The following GRID2IP variants were observed in gnomAD, a reference collection of about 807,000 sequenced individuals.
GRID2IP encodes Grid2 interacting protein, also known as delphilin.
GRID2IP carries 78 observed loss-of-function variants against 114.3 expected under a neutral mutation model. The observed-to-expected ratio is 0.68, with a 90% CI of 0.57 to 0.82. GRID2IP has a LOEUF of 0.82. Among genes scored for constraint, GRID2IP ranks in the 40% least tolerant of loss-of-function variants. The probability of loss-of-function intolerance (pLI) is 0.00; values close to 1 mark genes in which losing one functional copy is unlikely to be tolerated. For synonymous variants in GRID2IP, 809 were observed against 724.0 expected, an observed-to-expected ratio of 1.12 and a Z score of -1.89; for missense variants, 1,727 against 1,678.5, an observed-to-expected ratio of 1.03 and a Z score of -0.51.
Position 6,508,020 on chromosome 7 carries a change from G to A in GRID2IP, c.2509C>T (p.Gln837Ter). ...HMSVKRLRWE[Q>*]VENSEGTIWG... ...ATGGTGCCTTCTGAGTTCTCCACCTGTTCCCACCGCAAGCGCTTGACGCTC... is the reference window on the plus strand; with the variant it reads ...ATGGTGCCTTCTGAGTTCTCCACCTATTCCCACCGCAAGCGCTTGACGCTC... Residue 837 changes from glutamine (Q) to a stop codon, truncating the protein, a stop_gained, in exon 13 of 22, where the codon CAG becomes TAG. Transcript: ENST00000457091. LOFTEE classifies it high-confidence loss of function. The surrounding 1 kb of genome is among the most constrained non-coding windows in gnomAD (Gnocchi z 5.6). 6.5e-7 allele frequency: 1 copy of A among 1,549,570 alleles called. No homozygotes were observed. Among genetic ancestry groups the A allele is most frequent in the Non-Finnish European group, 8.7e-7 (1 of 1,146,752 alleles).
In GRID2IP at chr7:6,509,429, C is replaced by T; in HGVS notation, c.1772-116G>A. On this transcript the variant is annotated intron_variant, in intron 11 of 21. Coordinates refer to ENST00000457091, the MANE Select transcript of GRID2IP (RefSeq NM_001145118.2). The surrounding 1 kb of genome is among the most constrained non-coding windows in gnomAD (Gnocchi z 4.9). ...TCTGTGTCCCAGGCCACTCTCCTTT[C>T]CCTCTCTGGGCACAGTGCAGGAAGA... is the stretch of plus-strand genomic sequence containing the variant. 1.1e-6 allele frequency: 1 copy of T among 942,816 alleles called. No homozygotes were observed. Among genetic ancestry groups the T allele is most frequent in the Non-Finnish European group, 1.5e-6 (1 of 667,276 alleles). The allele number at this position is 942,816 out of a possible 1,614,324, so 58.4% of individuals were successfully genotyped here. A position where few individuals can be genotyped will look rare whatever the true frequency, so the allele number is the denominator to read the frequency against.
At chr7:6,535,690 CTATT>C (rs771404206) in intron 2 of GRID2IP, among the ~76,000 whole-genome samples, 4 of 152,092 alleles carry the variant, frequency 2.6e-5, no homozygotes, top group Non-Finnish European at 5.9e-5. Context: ...GACCCTGTCT[CTATT>C]TATAAATTCT....
chr7:6,511,782 G>A (rs1246053668), intron 8 of GRID2IP, among the ~76,000 whole-genome samples: 9 of 152,196 alleles, frequency 5.9e-5, no homozygotes, highest in Admixed American at 2.0e-4. Context: ...TGGGACTGCA[G>A]CTCATGGGCA....
intron 7 of GRID2IP, among the ~76,000 whole-genome samples, chr7:6,515,363 G>A (rs1779273936): frequency 6.6e-6 from 1 of 152,102 alleles, no homozygotes; most frequent in Non-Finnish European, 1.5e-5. Context: ...TCAGGAGGCT[G>A]AAGTAGGAGA....
rs182991503 is a variant in GRID2IP, at chr7:6,499,018, A to G, written c.3400-790T>C. Among the ~76,000 whole-genome samples the G allele has an allele frequency of 1.0e-3, 153 of 152,348 alleles. 4 individuals carry two copies. Among genetic ancestry groups the G allele is most frequent in the African/African-American group, 3.4e-3 (141 of 41,570 alleles). On this transcript the variant is annotated intron_variant, in intron 20 of 21. Transcript: ENST00000457091. The stretch of plus-strand genomic sequence containing the variant: ...TTAGAATAGCATCTGATACATGGTC[A>G]GTCTTGCAAAAAGATTCAGTGGCTG...
At chr7:6,501,087 A>G (rs1257210583) in intron 20 of GRID2IP, among the ~76,000 whole-genome samples, 1 of 152,258 alleles carries the variant, frequency 6.6e-6, no homozygotes, top group Non-Finnish European at 1.5e-5. Context: ...ACAGTGGCTC[A>G]GGCCTATAAT....
intron 11 of GRID2IP, 63 bp downstream of exon 11, chr7:6,510,220 C>T (rs1786727156): frequency 8.8e-7 from 1 of 1,142,608 alleles, no homozygotes; most frequent in Non-Finnish European, 1.3e-6. Flanking sequence ...GAAGCAGCTC[C>T]AGGGCTGAGC....
rs1253425278 is a variant in GRID2IP at position 6,551,028 on chromosome 7, C to A, written c.409G>T (p.Ala137Ser). ...CTTACCTTGCGGCTGAACTCTTGGG[C>A]CTTGCGCCTGCGCTCTCGGTGCACC... is the stretch of plus-strand genomic sequence containing the variant. ...DAVHRERRRK[A>S]QEFSRKVDEI... The change falls in exon 1 of 22, where the codon GCC (alanine) becomes TCC (serine). Residue 137 changes from alanine (A) to serine (S), a missense_variant. By Grantham distance (99) the Ala-to-Ser change is moderately conservative. Coordinates refer to ENST00000457091, the MANE Select transcript of GRID2IP (RefSeq NM_001145118.2). 1.7e-6 allele frequency: 2 copies of A among 1,205,016 alleles called. No individual in the cohort carries two copies. The highest frequency in any genetic ancestry group is 2.1e-6 in the Non-Finnish European group (2 of 971,458). The allele number at this position is 1,205,016 out of a possible 1,614,324, so 74.6% of individuals were successfully genotyped here. A position where few individuals can be genotyped will look rare whatever the true frequency, so the allele number is the denominator to read the frequency against.
intron 8 of GRID2IP, among the ~76,000 whole-genome samples, chr7:6,513,848 C>T (rs1435617655): frequency 1.4e-5 from 2 of 147,778 alleles, no homozygotes; most frequent in East Asian, 2.1e-4. Context: ...TTTGGGAGGC[C>T]GGAGTGGGAG....
Position 6,539,978 on chromosome 7 carries a change from T to C in GRID2IP, c.430-106A>G. Reference sequence around the variant, plus strand: ...CCTCAGTTTACCTACACGGGATGGCTGACGTGGGCGTACCACCTGAGTGCT... The same window carrying C: ...CCTCAGTTTACCTACACGGGATGGCCGACGTGGGCGTACCACCTGAGTGCT... On this transcript the variant is annotated intron_variant, in intron 1 of 21. Coordinates refer to ENST00000457091, the MANE Select transcript of GRID2IP (RefSeq NM_001145118.2). 4 of 1,016,962 alleles carry C rather than the reference T, an allele frequency of 3.9e-6. 1 individual carries two copies. In the Admixed American group the frequency reaches 9.8e-5, roughly 25 times the overall value. 63.0% of individuals were successfully genotyped at this position (1,016,962 alleles called of 1,614,324 possible). A position where few individuals can be genotyped will look rare whatever the true frequency, so the allele number is the denominator to read the frequency against.
At chr7:6,501,637 T>C in intron 20 of GRID2IP, 144 bp downstream of exon 20, 1 of 676,682 alleles carries the variant, frequency 1.5e-6, no homozygotes, top group Non-Finnish European at 2.7e-6. Flanking sequence ...TAGAGCCTCT[T>C]CCAGGACCCC....
At chr7:6,530,430 G>C (rs1258009316) in intron 2 of GRID2IP, among the ~76,000 whole-genome samples, 10 of 151,406 alleles carry the variant, frequency 6.6e-5, no homozygotes, top group African/African-American at 2.4e-4. Flanking sequence ...CACCTGGCTG[G>C]CTTTTTAAAT....
intron 1 of GRID2IP, 130 bp from the exon 2 acceptor site, chr7:6,540,002 C>A (rs1226643884): frequency 2.9e-6 from 2 of 679,406 alleles, no homozygotes; most frequent in African/African-American, 3.7e-5. Context: ...CACCTGAGTG[C>A]TATGCCCATA....
intron 1 of GRID2IP, among the ~76,000 whole-genome samples, chr7:6,542,402 C>A (rs1238095592): frequency 1.3e-5 from 2 of 151,952 alleles, no homozygotes. Flanking sequence ...ACCTGTAATC[C>A]CAGTGCTTAG....
intron 16 of GRID2IP, among the ~76,000 whole-genome samples, 157 bp downstream of exon 16, chr7:6,503,334 C>T (rs1401263158): frequency 2.6e-5 from 4 of 152,222 alleles, no homozygotes; most frequent in Admixed American, 2.6e-4. Flanking sequence ...CCTTGGACCC[C>T]TGATAGGACC....
At position 6,520,839 on chromosome 7, in the gene GRID2IP, T is replaced by G; in HGVS notation, c.1085-78A>C. 2 of 1,355,718 alleles carry G rather than the reference T, an allele frequency of 1.5e-6. No individual in the cohort carries two copies. The highest frequency in any genetic ancestry group is 2.0e-6 in the Non-Finnish European group (2 of 994,262). The allele number at this position is 1,355,718 out of a possible 1,614,324, so 84.0% of individuals were successfully genotyped here. On this transcript the variant is annotated intron_variant, in intron 6 of 21. Transcript: ENST00000457091. The surrounding 1 kb of genome is among the most constrained non-coding windows in gnomAD (Gnocchi z 4.6). ...GGTGTAGTCTCCCTGGCTTTTGAGG[T>G]CAGGAGACCTCCTGAGCTGGGGTGT...
chr7:6,503,570 T>G lies in GRID2IP; in HGVS notation c.2828A>C (p.Asp943Ala), dbSNP rs1056633202. 2.0e-6 allele frequency: 3 copies of G among 1,528,332 alleles called. No homozygotes were observed. The highest frequency in any genetic ancestry group is 2.6e-6 in the Non-Finnish European group (3 of 1,144,086). 94.7% of individuals were successfully genotyped at this position (1,528,332 alleles called of 1,614,324 possible). ...CTGGTAGCGCTGCTCCTCGTCGGCGTCGGGCGCGAAGAGCAGCAGCTGCGC... is the reference window on the plus strand; with the variant it reads ...CTGGTAGCGCTGCTCCTCGTCGGCGGCGGGCGCGAAGAGCAGCAGCTGCGC... The part of the protein sequence containing the change: ...HLAQLLLFAP[D>A]ADEEQRYQAF... The change falls in exon 16 of 22, where the codon GAC becomes GCC. Residue 943 changes from aspartate (D) to alanine (A), a missense_variant. Physicochemically the swap from Asp to Ala is moderately radical, Grantham distance 126 (BLOSUM62 -2). Transcript: ENST00000457091.
intron 1 of GRID2IP, among the ~76,000 whole-genome samples, chr7:6,541,091 C>T (rs2115098029): frequency 6.6e-6 from 1 of 151,522 alleles, no homozygotes; most frequent in Non-Finnish European, 1.5e-5. Flanking sequence ...TGCTATATTG[C>T]CCAGGCTGAT....
intron 7 of GRID2IP, among the ~76,000 whole-genome samples, chr7:6,514,760 C>A (rs554197700): frequency 4.0e-5 from 6 of 151,322 alleles, no homozygotes; most frequent in African/African-American, 1.5e-4. Context: ...GAGACCAGCC[C>A]AGCCAACATG....
Sources: gnomAD v4.1 joint callset for allele counts (sites outside exome capture counted in the v4.1 genomes callset) on GRCh38, gnomAD v4.1.1 for gene constraint, Gnocchi (gnomAD v3.1) non-coding constraint, MANE v1.5 for transcripts, NCBI Gene and HGNC (gene_info 2026-07-23, HGNC 2026-07-21) for gene names.